PTPRN2: variants seen among roughly 807,000 people sequenced by gnomAD.
PTPRN2 encodes receptor-type tyrosine-protein phosphatase N2.
In PTPRN2, 74 loss-of-function variants were observed where a neutral mutation model predicts 118.8. That is an observed-to-expected ratio of 0.62 (90% CI 0.52 to 0.76). PTPRN2 has a LOEUF of 0.76. Among genes scored for constraint, PTPRN2 ranks in the 30% least tolerant of loss-of-function variants. The pLI is 0.00. For missense variants in PTPRN2, 1,481 were observed against 1,394.4 expected, an observed-to-expected ratio of 1.06 and a Z score of -0.99; for synonymous variants, 641 against 608.0, an observed-to-expected ratio of 1.05 and a Z score of -0.80.
At chr7:158,064,970 G>A (rs1445270817) in intron 11 of PTPRN2, among the ~76,000 whole-genome samples, 2 of 152,210 alleles carry the variant, frequency 1.3e-5, no homozygotes, top group Non-Finnish European at 2.9e-5. Context: ...TAAACACTCA[G>A]CTTAATAAAG....
intron 1 of PTPRN2, among the ~76,000 whole-genome samples, chr7:158,501,089 C>A (rs1586814744): frequency 6.6e-6 from 1 of 152,248 alleles, no homozygotes; most frequent in East Asian, 1.9e-4. Flanking sequence ...ATGTTATCAG[C>A]TTTATGAAGT....
intron 6 of PTPRN2, among the ~76,000 whole-genome samples, chr7:158,140,638 A>G (rs1162493752): frequency 6.6e-6 from 1 of 152,212 alleles, no homozygotes; most frequent in East Asian, 1.9e-4. Flanking sequence ...AGGATGGGCG[A>G]GGTCTGCCCA....
intron 10 of PTPRN2, among the ~76,000 whole-genome samples, chr7:158,084,776 TCC>T (rs2128934808): frequency 7.8e-6 from 1 of 128,006 alleles, no homozygotes; most frequent in East Asian, 2.7e-4. Context: ...CCGACACTCA[TCC>T]ACACCCACGA....
intron 12 of PTPRN2, among the ~76,000 whole-genome samples, chr7:157,776,847 CT>C (rs1803344905): frequency 2.0e-5 from 1 of 51,056 alleles, no homozygotes; most frequent in African/African-American, 1.0e-4. Flanking sequence ...TTCCTCCTCC[CT>C]CTCCTCCTCC....
At chr7:157,973,021 C>T (rs961919513) in intron 11 of PTPRN2, among the ~76,000 whole-genome samples, 15 of 152,368 alleles carry the variant, frequency 9.8e-5, no homozygotes, top group Admixed American at 3.3e-4. Context: ...AGGAACTCCA[C>T]ACCACAAGAA....
intron 9 of PTPRN2, among the ~76,000 whole-genome samples, chr7:158,131,249 A>G (rs564754972): frequency 2.5e-4 from 38 of 152,082 alleles, no homozygotes; most frequent in South Asian, 1.9e-3. Flanking sequence ...ACACACATAC[A>G]TACACACGCA....
At chr7:157,683,169 G>A (rs1796994965) in intron 12 of PTPRN2, among the ~76,000 whole-genome samples, 1 of 152,212 alleles carries the variant, frequency 6.6e-6, no homozygotes, top group African/African-American at 2.4e-5. Context: ...ACAGTCAGAG[G>A]CATCACTTTT....
In PTPRN2 at chr7:157,953,893, C is replaced by G. The variant is rs1445008818; in HGVS notation, c.1724-55156G>C. ...CAGAAATCGCTGGTTTAAATATTCT[C>G]TCCTTTCCCTCACCATGGAATGCAC... On this transcript the variant is annotated intron_variant, in intron 11 of 22. Transcript: ENST00000389418. This position sits in a 1 kb window ranked among gnomAD's most constrained non-coding sequence, Gnocchi z 4.6. Among the ~76,000 whole-genome samples the G allele has an allele frequency of 6.6e-6, 1 of 152,188 alleles. No homozygotes were observed. Among genetic ancestry groups the G allele is most frequent in the Non-Finnish European group, 1.5e-5 (1 of 68,040 alleles).
chr7:158,122,839 G>A (rs570284555), intron 9 of PTPRN2, among the ~76,000 whole-genome samples: 4 of 152,268 alleles, frequency 2.6e-5, no homozygotes, highest in South Asian at 2.1e-4. Context: ...GACCTGTTGC[G>A]ACCTACACTT....
At chr7:157,621,559 C>T (rs752656096) in intron 14 of PTPRN2, 50 bp from the exon 15 acceptor site, 1 of 1,598,308 alleles carries the variant, frequency 6.3e-7, no homozygotes, top group African/African-American at 1.3e-5. Flanking sequence ...TGAGCCCAGA[C>T]CGGCAGATGC....
At chr7:157,756,144 A>G (rs1189738371) in intron 12 of PTPRN2, among the ~76,000 whole-genome samples, 1 of 152,216 alleles carries the variant, frequency 6.6e-6, no homozygotes, top group Non-Finnish European at 1.5e-5. Flanking sequence ...TTTACAATCA[A>G]AGAATTACGT....
intron 12 of PTPRN2, among the ~76,000 whole-genome samples, chr7:157,805,615 G>A (rs1805585144): frequency 6.6e-6 from 1 of 152,218 alleles, no homozygotes; most frequent in Admixed American, 6.5e-5. Flanking sequence ...TCTAGTGTCA[G>A]GTTATGGCTC....
intron 11 of PTPRN2, among the ~76,000 whole-genome samples, chr7:158,040,566 C>T (rs1219142194): frequency 1.3e-5 from 2 of 151,928 alleles, no homozygotes; most frequent in East Asian, 1.9e-4. Flanking sequence ...TAGGAAGAAG[C>T]GAGTAGAGAA....
chr7:158,249,079 AC>A (rs1585978432), intron 3 of PTPRN2, among the ~76,000 whole-genome samples: 1 of 151,216 alleles, frequency 6.6e-6, no homozygotes, highest in East Asian at 2.0e-4. Context: ...CATACACCAC[AC>A]ACACCACACA....
In PTPRN2 at chr7:157,953,490, C is replaced by T. The variant is rs1800965814; in HGVS notation, c.1724-54753G>A. Among the ~76,000 whole-genome samples the T allele has an allele frequency of 6.6e-6, 1 of 152,176 alleles. No individual in the cohort carries two copies. The highest frequency in any genetic ancestry group is 2.4e-5 in the African/African-American group (1 of 41,440). On this transcript the variant is annotated intron_variant, in intron 11 of 22. Coordinates refer to ENST00000389418, the MANE Select transcript of PTPRN2 (RefSeq NM_002847.5). The surrounding 1 kb of genome is among the most constrained non-coding windows in gnomAD (Gnocchi z 4.6). ...CGTCACCACCTGCCCACCTTCTTCA[C>T]ACCATGAGGCTGCTGGCACGGGTGC...
chr7:157,644,004 G>A (rs1418480549), intron 14 of PTPRN2, among the ~76,000 whole-genome samples: 2 of 152,204 alleles, frequency 1.3e-5, no homozygotes, highest in African/African-American at 2.4e-5. Context: ...CCTCTCATGC[G>A]CTACAAGCTA....
At chr7:157,960,394 A>G (rs1455266289) in intron 11 of PTPRN2, among the ~76,000 whole-genome samples, 1 of 152,252 alleles carries the variant, frequency 6.6e-6, no homozygotes, top group East Asian at 1.9e-4. Context: ...GAAGAATCAT[A>G]ATCAGGTGCT....
intron 2 of PTPRN2, among the ~76,000 whole-genome samples, chr7:158,367,836 T>G (rs1459471967): frequency 6.6e-6 from 1 of 152,162 alleles, no homozygotes; most frequent in African/African-American, 2.4e-5. Context: ...TGAGTTCATT[T>G]TCAAAAGATT....
At chr7:158,448,182 A>G (rs1817858712) in intron 2 of PTPRN2, among the ~76,000 whole-genome samples, 1 of 152,250 alleles carries the variant, frequency 6.6e-6, no homozygotes, top group South Asian at 2.1e-4. Context: ...CCCCCAGCAG[A>G]GTGGCCCAGA....
Sources: gnomAD v4.1 joint callset for allele counts (sites outside exome capture counted in the v4.1 genomes callset) on GRCh38, gnomAD v4.1.1 for gene constraint, Gnocchi (gnomAD v3.1) non-coding constraint, MANE v1.5 for transcripts, NCBI Gene and HGNC (gene_info 2026-07-23, HGNC 2026-07-21) for gene names.